Variants in TLL2 observed in about 807,000 individuals in gnomAD.
TLL2 encodes the protein tolloid like 2.
A neutral mutation model predicts 123.0 loss-of-function variants in TLL2; 106 were observed. That is an observed-to-expected ratio of 0.86 (90% CI 0.74 to 1.01). TLL2 has a LOEUF of 1.01. Ranked by LOEUF, TLL2 falls within the 50% of genes least tolerant of loss-of-function variation. TLL2 has a pLI of 0.00. For synonymous variants in TLL2, 494 were observed against 516.8 expected (o/e 0.96, Z 0.60); for missense variants, 1,332 against 1,336.7 (o/e 1.00, Z 0.06).
chr10:96,418,782 ATAT>A (rs1846591655), intron 7 of TLL2, among the ~76,000 whole-genome samples: 1 of 148,194 alleles, frequency 6.7e-6, no homozygotes, highest in Non-Finnish European at 1.5e-5. Context: ...AATTAAATGA[ATAT>A]TGATTTCATT....
At chr10:96,370,409 G>C in intron 19 of TLL2, 94 bp from the exon 20 acceptor site, 1 of 1,446,080 alleles carries the variant, frequency 6.9e-7, no homozygotes, top group East Asian at 2.5e-5. Context: ...AGCCTGGTGC[G>C]TGCCTGGCAG....
At position 96,384,665 on chromosome 10, in the gene TLL2, G is replaced by A. The variant is rs1245982898; in HGVS notation, c.2116C>T (p.Gln706Ter). 1 of 1,613,092 alleles carries A rather than the reference G, an allele frequency of 6.2e-7. No individual in the cohort carries two copies. Among genetic ancestry groups the A allele is most frequent in the Admixed American group, 1.7e-5 (1 of 59,932 alleles). The change falls in exon 16 of 21, where the codon CAG becomes TAG. Residue 706 changes from glutamine to a stop codon, truncating the protein, a stop_gained. Transcript: ENST00000357947. LOFTEE classifies it high-confidence loss of function. Reference protein sequence around the residue: ...GSETPEVITSQSNNMRVEFKS... With the variant: ...GSETPEVITS ...AACTCCACGCGCATGTTGTTGCTCT[G>A]CGAGGTGATGACCTCCGGCGTCTCA...
rs1288896157 is a variant in TLL2, at chr10:96,374,291, T to G, written c.2449-482A>C. The G allele has an allele frequency of 2.9e-5, 5 of 171,004 alleles. No individual in the cohort carries two copies. In the East Asian group the frequency reaches 8.5e-4, roughly 29 times the overall value. The allele number at this position is 171,004 out of a possible 1,614,324, so 10.6% of individuals were successfully genotyped here. On this transcript the variant is annotated intron_variant, in intron 18 of 20. Coordinates refer to ENST00000357947, the MANE Select transcript of TLL2 (RefSeq NM_012465.4). ...AATCTTTACACCCCTGTGATGTGTC[T>G]AATCCCCGCTTTACAGGTGAGGAAA...
At chr10:96,423,277 A>T (rs1398893576) in intron 5 of TLL2, among the ~76,000 whole-genome samples, 1 of 152,198 alleles carries the variant, frequency 6.6e-6, no homozygotes, top group East Asian at 1.9e-4. Context: ...TGAAAAGCCA[A>T]CAAAAGATAC....
chr10:96,454,340 A>C (rs1482692441), intron 2 of TLL2, among the ~76,000 whole-genome samples: 3 of 152,204 alleles, frequency 2.0e-5, no homozygotes, highest in African/African-American at 7.2e-5. Context: ...TGGCTGATGA[A>C]GTCTCAGAAT....
Position 96,395,234 on chromosome 10 carries a change from G to A in TLL2, c.1679C>T (p.Ser560Phe). 6.2e-7 allele frequency: 1 copy of A among 1,613,100 alleles called. No individual in the cohort carries two copies. Reference sequence around the variant, plus strand: ...GCCCGCTTTATTGATAGAGCCATCGGACACAAACTTCATCCACAGTCTGTT... The same window carrying A: ...GCCCGCTTTATTGATAGAGCCATCGAACACAAACTTCATCCACAGTCTGTT... ...SSNRLWMKFV[S>F]DGSINKAGFA... is the part of the protein sequence containing the mutation. The change falls in exon 13 of 21, where the codon TCC becomes TTC. Residue 560 changes from serine (S) to phenylalanine (F), a missense_variant. Coordinates refer to ENST00000357947, the MANE Select transcript of TLL2 (RefSeq NM_012465.4).
chr10:96,395,951 C>G lies in TLL2; in HGVS notation c.1454G>C (p.Arg485Thr), dbSNP rs780986878. 1 of 1,614,202 alleles carries G rather than the reference C, an allele frequency of 6.2e-7. No homozygotes were observed. The highest frequency in any genetic ancestry group is 1.7e-5 in the Admixed American group (1 of 60,016). ...IQSPNYPDDYRPSKECVWRIT... is the reference protein window; with the variant it reads ...IQSPNYPDDYTPSKECVWRIT... ...CCTCCAGACACATTCCTTGGAAGGT[C>G]TGTAGTCATCCGGATAGTTGGGAGA... is the stretch of plus-strand genomic sequence containing the variant. Residue 485 changes from arginine (R) to threonine (T), a missense_variant, in exon 12 of 21, where the codon AGA becomes ACA. Coordinates refer to ENST00000357947, the MANE Select transcript of TLL2 (RefSeq NM_012465.4).
At chr10:96,432,668 A>G (rs1234201253) in intron 4 of TLL2, 139 bp downstream of exon 4, 3 of 1,094,300 alleles carry the variant, frequency 2.7e-6, no homozygotes, top group African/African-American at 1.6e-5. Context: ...CTTGCCGGCA[A>G]GAGGGGGGCA....
At chr10:96,452,320 AAAAC>A (rs1346000839) in intron 2 of TLL2, among the ~76,000 whole-genome samples, 6 of 152,182 alleles carry the variant, frequency 3.9e-5, no homozygotes, top group South Asian at 2.1e-4. Flanking sequence ...ATTCTAGCAA[AAAAC>A]AAACAAACAA....
chr10:96,479,596 G>A lies in TLL2; in HGVS notation c.286+753C>T, dbSNP rs74151355. ...GGCACCTGGTGGGCTGCAGAGAGCA[G>A]TGGGAGAGGAGACTCCATCAAGGCA... On this transcript the variant is annotated intron_variant, in intron 2 of 20. Coordinates refer to ENST00000357947, the MANE Select transcript of TLL2 (RefSeq NM_012465.4). 4.3e-3 allele frequency among the ~76,000 whole-genome samples: 657 copies of A among 152,366 alleles called. 3 individuals carry two copies. Among genetic ancestry groups the A allele is most frequent in the Middle Eastern group, 0.017 (5 of 294 alleles).
chr10:96,467,072 A>G (rs1847138995), intron 2 of TLL2, among the ~76,000 whole-genome samples: 1 of 152,258 alleles, frequency 6.6e-6, no homozygotes, highest in Non-Finnish European at 1.5e-5. Context: ...TGCATTTGCA[A>G]CAAAGGTCAG....
rs1554939656 is a variant in TLL2, at chr10:96,476,248, T to TGTTGTTGTTGTTGTTG, written c.286+4100_286+4101insCAACAACAACAACAAC. On this transcript the variant is annotated intron_variant, in intron 2 of 20. Coordinates refer to ENST00000357947, the MANE Select transcript of TLL2 (RefSeq NM_012465.4). ...TATATATATATATATATATTTTATT[T>TGTTGTTGTTGTTGTTG]TTGTTGTTGTTGTTGTTGTTGAGAC... is the stretch of plus-strand genomic sequence containing the variant. 1.9e-4 allele frequency among the ~76,000 whole-genome samples: 13 copies of TGTTGTTGTTGTTGTTG among 69,240 alleles called. 1 individual carries two copies. The highest frequency in any genetic ancestry group is 7.5e-4 in the African/African-American group (12 of 16,068). 45.4% of individuals were successfully genotyped at this position (69,240 alleles called of 152,430 possible). A position where few individuals can be genotyped will look rare whatever the true frequency, so the allele number is the denominator to read the frequency against.
intron 5 of TLL2, among the ~76,000 whole-genome samples, chr10:96,425,429 C>G (rs1164942282): frequency 1.3e-5 from 2 of 151,860 alleles, no homozygotes; most frequent in African/African-American, 4.8e-5. Flanking sequence ...CATGAATGTA[C>G]AGCTTATTTT....
At chr10:96,498,835 G>C (rs188904104) in intron 1 of TLL2, among the ~76,000 whole-genome samples, 1 of 152,302 alleles carries the variant, frequency 6.6e-6, no homozygotes, top group East Asian at 1.9e-4. Flanking sequence ...GAGTGGAGTG[G>C]CAGACTGGAA....
intron 20 of TLL2, among the ~76,000 whole-genome samples, chr10:96,369,542 C>G (rs929525535): frequency 6.6e-6 from 1 of 152,148 alleles, no homozygotes; most frequent in African/African-American, 2.4e-5. Flanking sequence ...AGGTGGATCA[C>G]TTGAGGTCAG....
At chr10:96,439,837 G>A (rs1240867391) in intron 3 of TLL2, among the ~76,000 whole-genome samples, 3 of 152,146 alleles carry the variant, frequency 2.0e-5, no homozygotes, top group Admixed American at 6.5e-5. Flanking sequence ...ACCCGCAGAT[G>A]TGTTTCTGTT....
chr10:96,471,834 G>A (rs1193230392), intron 2 of TLL2, among the ~76,000 whole-genome samples: 4 of 152,116 alleles, frequency 2.6e-5, no homozygotes, highest in Non-Finnish European at 5.9e-5. Flanking sequence ...CAGGACTGGG[G>A]TCAGAATTTC....
chr10:96,473,013 A>G (rs1368359062), intron 2 of TLL2, among the ~76,000 whole-genome samples: 2 of 151,684 alleles, frequency 1.3e-5, no homozygotes, highest in Non-Finnish European at 2.9e-5. Context: ...CAGAGCTCAA[A>G]CTGGCTTGAA....
intron 1 of TLL2, among the ~76,000 whole-genome samples, chr10:96,511,947 G>C (rs1847635763): frequency 6.6e-6 from 1 of 152,140 alleles, no homozygotes; most frequent in Non-Finnish European, 1.5e-5. Context: ...TAGTGCTCTG[G>C]AGCCTCTTCT....
Sources: gnomAD v4.1 joint callset for allele counts (sites outside exome capture counted in the v4.1 genomes callset) on GRCh38, gnomAD v4.1.1 for gene constraint, MANE v1.5 for transcripts, NCBI Gene and HGNC (gene_info 2026-07-23, HGNC 2026-07-21) for gene names.